Variants in GPATCH8 observed in about 807,000 individuals in gnomAD.
GPATCH8 encodes G patch domain-containing protein 8.
A neutral mutation model predicts 118.3 loss-of-function variants in GPATCH8; 18 were observed. That is an observed-to-expected ratio of 0.15 (90% CI 0.11 to 0.23). GPATCH8 has a LOEUF of 0.23. Among genes scored for constraint, GPATCH8 ranks in the 10% least tolerant of loss-of-function variants. GPATCH8 has a pLI of 1.00. For synonymous variants in GPATCH8, 659 were observed against 684.7 expected (o/e 0.96, Z 0.59); for missense variants, 1,631 against 1,873.8 (o/e 0.87, Z 2.39).
At position 44,400,025 on chromosome 17, in the gene GPATCH8, G is replaced by A; in HGVS notation, c.2052C>T (p.Ser684=). The A allele has an allele frequency of 6.2e-7, 1 of 1,613,954 alleles. No homozygotes were observed. The highest frequency in any genetic ancestry group is 8.5e-7 in the Non-Finnish European group (1 of 1,179,966). Residue 684 remains serine (S), a synonymous_variant, in exon 8 of 8, where the codon TCC becomes TCT. Coordinates refer to ENST00000591680, the MANE Select transcript of GPATCH8 (RefSeq NM_001002909.4). ...CCTTGTGTTTACGTTTGTGTTTGCT[G>A]GATTTTTTGTGCTTCTTTTTCTTTT... ...RHKKKKKHKK[S]SKHKRKHKAD... is the part of the protein sequence containing the mutation.
intron 1 of GPATCH8, among the ~76,000 whole-genome samples, chr17:44,493,786 T>G (rs1347776349): frequency 1.3e-5 from 2 of 152,226 alleles, no homozygotes; most frequent in Non-Finnish European, 2.9e-5. Context: ...AGTTCTGCAC[T>G]AGGCAAAATA....
intron 3 of GPATCH8, among the ~76,000 whole-genome samples, chr17:44,463,542 C>T (rs1162389598): frequency 1.3e-5 from 2 of 152,190 alleles, no homozygotes; most frequent in Non-Finnish European, 2.9e-5. Context: ...GCCACCACGC[C>T]TGGCTAATTT....
chr17:44,453,785 G>C (rs1295952047), intron 3 of GPATCH8, among the ~76,000 whole-genome samples: 2 of 151,872 alleles, frequency 1.3e-5, no homozygotes, highest in Non-Finnish European at 2.9e-5. Context: ...TTCGACCTCA[G>C]CCTCCCAAAG....
chr17:44,489,610 G>T (rs930650668), intron 1 of GPATCH8, among the ~76,000 whole-genome samples: 4 of 152,128 alleles, frequency 2.6e-5, no homozygotes, highest in African/African-American at 9.7e-5. Flanking sequence ...AAAGGGCTGG[G>T]ATTACAGGCG....
At position 44,400,050 on chromosome 17, in the gene GPATCH8, T is replaced by C. The variant is rs144518835; in HGVS notation, c.2027A>G (p.Lys676Arg). 2 of 1,614,120 alleles carry C rather than the reference T, an allele frequency of 1.2e-6. No homozygotes were observed. Among genetic ancestry groups the C allele is most frequent in the Non-Finnish European group, 1.7e-6 (2 of 1,180,028 alleles). Reference protein sequence around the residue: ...KERSGKSHRHKKKKKHKKSSK... With the variant: ...KERSGKSHRHRKKKKHKKSSK... Reference sequence around the variant, plus strand: ...GGATTTTTTGTGCTTCTTTTTCTTTTTGTGCCGGTGGGACTTCCCAGATCG... The same window carrying C: ...GGATTTTTTGTGCTTCTTTTTCTTTCTGTGCCGGTGGGACTTCCCAGATCG... The change falls in exon 8 of 8, where the codon AAA (lysine) becomes AGA (arginine). Residue 676 changes from lysine (K) to arginine (R), a missense_variant. Around this residue, in one of 8 missense-constraint regions of GPATCH8, gnomAD observed 922 missense variants for 879.7 expected, o/e 1.05. Transcript: ENST00000591680.
At chr17:44,434,223 A>T (rs1489822157) in intron 5 of GPATCH8, among the ~76,000 whole-genome samples, 1 of 151,858 alleles carries the variant, frequency 6.6e-6, no homozygotes, top group Non-Finnish European at 1.5e-5. Context: ...GGTGGCCTTG[A>T]ATAAAGTGGT....
chr17:44,397,816 G>C lies in GPATCH8; in HGVS notation c.4261C>G (p.Leu1421Val). The C allele has an allele frequency of 6.3e-7, 1 of 1,590,044 alleles. No homozygotes were observed. Among genetic ancestry groups the C allele is most frequent in the Non-Finnish European group, 8.6e-7 (1 of 1,165,598 alleles). Residue 1421 changes from leucine (L) to valine (V), a missense_variant, in exon 8 of 8, where the codon CTC (leucine) becomes GTC (valine). Transcript: ENST00000591680. ...TGGCCAGGGATGATTGAGTGAGTGA[G>C]GTGGGACAAAGAAATGGGGGTCAGA... ...PHLTPISLSHLTHSIIPGHPA... is the reference protein window; with the variant it reads ...PHLTPISLSHVTHSIIPGHPA...
At chr17:44,423,501 C>T (rs1236685802) in intron 6 of GPATCH8, among the ~76,000 whole-genome samples, 1 of 152,126 alleles carries the variant, frequency 6.6e-6, no homozygotes, top group Non-Finnish European at 1.5e-5. Flanking sequence ...CTTAGTTCAA[C>T]AAGTCCAGCT....
intron 6 of GPATCH8, among the ~76,000 whole-genome samples, chr17:44,411,795 C>T (rs566647452): frequency 3.3e-5 from 5 of 152,238 alleles, no homozygotes; most frequent in South Asian, 2.1e-4. Flanking sequence ...AAAAGAGATG[C>T]GCAGTAAATA....
chr17:44,402,508 TCAGGGTGGCTCA>T (rs1449149399), intron 7 of GPATCH8, among the ~76,000 whole-genome samples: 2 of 151,984 alleles, frequency 1.3e-5, no homozygotes, highest in East Asian at 3.9e-4. Flanking sequence ...TCTTGCTGGG[TCAGGGTGGCTCA>T]CATGTGTAAT....
At chr17:44,478,295 C>G (rs985356082) in intron 1 of GPATCH8, among the ~76,000 whole-genome samples, 2 of 152,156 alleles carry the variant, frequency 1.3e-5, no homozygotes, top group Non-Finnish European at 2.9e-5. Flanking sequence ...CATTATAGTA[C>G]AGAACACCAA....
In GPATCH8 at chr17:44,424,510, T is replaced by C. The variant is rs570277962; in HGVS notation, c.349-18A>G. 3 of 1,589,618 alleles carry C rather than the reference T, an allele frequency of 1.9e-6. No homozygotes were observed. The highest frequency in any genetic ancestry group is 3.3e-5 in the Admixed American group (2 of 59,978). ...ACATAATCCTTCAAGACCCATGAAA[T>C]ACAAAGAAACAAAAAATGAACTTGG... On this transcript the variant is annotated intron_variant, in intron 5 of 7. Transcript: ENST00000591680.
At chr17:44,415,060 CAT>C (rs1278148605) in intron 6 of GPATCH8, among the ~76,000 whole-genome samples, 2 of 152,194 alleles carry the variant, frequency 1.3e-5, no homozygotes, top group South Asian at 2.1e-4. Flanking sequence ...CTTGTGTGGA[CAT>C]ATGTTTACAC....
At chr17:44,428,781 C>T (rs1252803334) in intron 5 of GPATCH8, among the ~76,000 whole-genome samples, 1 of 151,908 alleles carries the variant, frequency 6.6e-6, no homozygotes. Flanking sequence ...TTCTAGGTGA[C>T]AGAGTGAGAT....
At chr17:44,459,785 C>T (rs577328508) in intron 3 of GPATCH8, among the ~76,000 whole-genome samples, 2 of 152,104 alleles carry the variant, frequency 1.3e-5, no homozygotes, top group South Asian at 4.1e-4. Context: ...AGTCAGGAAC[C>T]ATGTCTTATC....
intron 3 of GPATCH8, among the ~76,000 whole-genome samples, chr17:44,462,536 T>G (rs1254870123): frequency 6.6e-6 from 1 of 152,158 alleles, no homozygotes; most frequent in Non-Finnish European, 1.5e-5. Context: ...GGAAAACAAG[T>G]TTAAAGGTAA....
At chr17:44,465,835 T>C (rs546105734) in intron 2 of GPATCH8, 12 of 152,316 alleles carry the variant, frequency 7.9e-5, no homozygotes, top group East Asian at 7.7e-4. Context: ...TTTGAACTCA[T>C]AGAGGAAAGA....
intron 6 of GPATCH8, among the ~76,000 whole-genome samples, chr17:44,412,899 C>T (rs2049500134): frequency 6.6e-6 from 1 of 152,150 alleles, no homozygotes; most frequent in South Asian, 2.1e-4. Context: ...CCCTTCCTAA[C>T]TGAAGTAATC....
At chr17:44,466,922 TTTG>T (rs919318922) in intron 2 of GPATCH8, among the ~76,000 whole-genome samples, 10 of 151,332 alleles carry the variant, frequency 6.6e-5, no homozygotes, top group South Asian at 4.2e-4. Flanking sequence ...CCCCCTCCAT[TTTG>T]TTGTTGTTGT....
Sources: gnomAD v4.1 joint callset for allele counts (sites outside exome capture counted in the v4.1 genomes callset) on GRCh38, gnomAD v4.1.1 for gene constraint, gnomAD v4.1.1 regional missense constraint, MANE v1.5 for transcripts, NCBI Gene and HGNC (gene_info 2026-07-23, HGNC 2026-07-21) for gene names.